The following DPP10 variants were observed in gnomAD, a reference collection of about 807,000 sequenced individuals.
DPP10 encodes the protein dipeptidyl peptidase like 10, also known as inactive dipeptidyl peptidase 10.
In DPP10, 33 loss-of-function variants were observed where a neutral mutation model predicts 120.9. The ratio of observed to expected loss-of-function variants is 0.27; its 90% CI spans 0.21 to 0.37. DPP10 has a LOEUF of 0.37. Ranked by LOEUF, DPP10 falls within the 10% of genes least tolerant of loss-of-function variation. The pLI is 1.00. For synonymous variants in DPP10, 337 were observed against 326.1 expected (o/e 1.03, Z -0.36); for missense variants, 816 against 942.8 (o/e 0.87, Z 1.76).
chr2:114,876,056 ATGAC>A (rs1216549505), intron 1 of DPP10, among the ~76,000 whole-genome samples: 2 of 152,140 alleles, frequency 1.3e-5, no homozygotes, highest in African/African-American at 4.8e-5. Flanking sequence ...GATAAAGTAA[ATGAC>A]TGTTCAAATA....
chr2:115,504,563 A>T (rs1020905030), intron 4 of DPP10, among the ~76,000 whole-genome samples: 6 of 152,036 alleles, frequency 3.9e-5, no homozygotes, highest in African/African-American at 7.2e-5. Context: ...ATGATTATTT[A>T]TGTTTGTTTA....
At chr2:115,712,785 A>G (rs1385675235) in intron 7 of DPP10, among the ~76,000 whole-genome samples, 1 of 151,720 alleles carries the variant, frequency 6.6e-6, no homozygotes, top group Non-Finnish European at 1.5e-5. Context: ...TAATAAGTAC[A>G]ATGTTATGTA....
At position 115,827,440 on chromosome 2, in the gene DPP10, AT is replaced by A. The variant is rs1559209866; in HGVS notation, c.1951-8716del. Among the ~76,000 whole-genome samples the A allele has an allele frequency of 6.2e-3, 893 of 143,390 alleles. 12 individuals are homozygous for A. The highest frequency in any genetic ancestry group is 0.02 in the African/African-American group (764 of 39,092). The allele number at this position is 143,390 out of a possible 152,430, so 94.1% of individuals were successfully genotyped here. On this transcript the variant is annotated intron_variant, in intron 21 of 25. Transcript: ENST00000410059. ...TATATATATATATATATATATATAT[AT>A]ATATATGCTCTACAGTGGTATACTT...
intron 3 of DPP10, among the ~76,000 whole-genome samples, chr2:115,470,029 A>G (rs2105162982): frequency 6.6e-6 from 1 of 152,304 alleles, no homozygotes; most frequent in South Asian, 2.1e-4. Context: ...AAGATGAAGA[A>G]TCCTTGCTAA....
At chr2:115,380,032 A>C (rs1054517192) in intron 3 of DPP10, among the ~76,000 whole-genome samples, 6 of 152,150 alleles carry the variant, frequency 3.9e-5, no homozygotes, top group Non-Finnish European at 7.4e-5. Flanking sequence ...TATTCTGTTC[A>C]TTTGGGGTGG....
intron 1 of DPP10, among the ~76,000 whole-genome samples, chr2:114,619,159 T>C (rs1451715649): frequency 6.6e-6 from 1 of 151,984 alleles, no homozygotes; most frequent in African/African-American, 2.4e-5. Flanking sequence ...TTGGGAACAG[T>C]ATGGATTATG....
intron 1 of DPP10, among the ~76,000 whole-genome samples, chr2:114,482,173 A>G (rs748305087): frequency 2.0e-5 from 3 of 152,148 alleles, no homozygotes; most frequent in Non-Finnish European, 4.4e-5. Context: ...ACCAAACCAT[A>G]TTAGTTACAG....
At chr2:114,924,108 T>C (rs538217605) in intron 1 of DPP10, among the ~76,000 whole-genome samples, 2 of 152,258 alleles carry the variant, frequency 1.3e-5, no homozygotes, top group South Asian at 4.1e-4. Context: ...TCACTTACAA[T>C]GCAAATTTTA....
At chr2:115,478,355 T>C (rs548030701) in intron 3 of DPP10, among the ~76,000 whole-genome samples, 1 of 152,312 alleles carries the variant, frequency 6.6e-6, no homozygotes, top group East Asian at 1.9e-4. Flanking sequence ...TTTATCTACA[T>C]GCAACAGAAT....
At chr2:115,013,794 C>G (rs1028215945) in intron 1 of DPP10, among the ~76,000 whole-genome samples, 5 of 151,492 alleles carry the variant, frequency 3.3e-5, no homozygotes, top group African/African-American at 1.2e-4. Context: ...GAAAAGCTAA[C>G]TATCCTAAAT....
At chr2:114,893,331 C>T (rs1202276894) in intron 1 of DPP10, among the ~76,000 whole-genome samples, 4 of 152,082 alleles carry the variant, frequency 2.6e-5, no homozygotes, top group African/African-American at 9.7e-5. Flanking sequence ...GTTAACCTTA[C>T]CAGAGACGCA....
intron 1 of DPP10, among the ~76,000 whole-genome samples, chr2:114,512,671 A>G (rs1684244542): frequency 6.6e-6 from 1 of 152,240 alleles, no homozygotes; most frequent in Non-Finnish European, 1.5e-5. Context: ...ACATATCATG[A>G]GTTACCCAGA....
intron 1 of DPP10, among the ~76,000 whole-genome samples, chr2:114,517,190 C>T (rs1043572817): frequency 6.6e-6 from 1 of 152,162 alleles, no homozygotes; most frequent in Admixed American, 6.6e-5. Flanking sequence ...GAGATCTAAT[C>T]ATTTCACGGA....
chr2:115,082,669 G>A (rs1326747967), intron 1 of DPP10, among the ~76,000 whole-genome samples: 2 of 152,112 alleles, frequency 1.3e-5, no homozygotes, highest in Non-Finnish European at 2.9e-5. Flanking sequence ...TAAATTACTG[G>A]ACGATTTGAG....
chr2:114,575,433 T>A (rs1325894582), intron 1 of DPP10, among the ~76,000 whole-genome samples: 1 of 152,154 alleles, frequency 6.6e-6, no homozygotes, highest in Non-Finnish European at 1.5e-5. Flanking sequence ...CTATTATTGT[T>A]TGGAAGTAAT....
intron 5 of DPP10, among the ~76,000 whole-genome samples, chr2:115,641,805 G>T (rs1276194484): frequency 2.6e-5 from 4 of 152,076 alleles, no homozygotes; most frequent in Non-Finnish European, 5.9e-5. Context: ...GTGAAATTAT[G>T]GAATACTGGT....
intron 5 of DPP10, among the ~76,000 whole-genome samples, chr2:115,529,811 G>A (rs560860939): frequency 9.2e-5 from 14 of 152,152 alleles, no homozygotes; most frequent in Admixed American, 9.2e-4. Flanking sequence ...ACTGTTTTAG[G>A]TTATGCCAGA....
At chr2:115,142,272 C>G (rs1355341648) in intron 1 of DPP10, among the ~76,000 whole-genome samples, 1 of 152,084 alleles carries the variant, frequency 6.6e-6, no homozygotes, top group Non-Finnish European at 1.5e-5. Context: ...TTGCAGTGAT[C>G]AGTTAATCAA....
At chr2:114,932,614 T>C (rs773325115) in intron 1 of DPP10, among the ~76,000 whole-genome samples, 168 of 152,320 alleles carry the variant, frequency 1.1e-3, no homozygotes, top group Admixed American at 2.0e-3. Flanking sequence ...ATCTAATCTA[T>C]TTTAATAGAA....
Sources: gnomAD v4.1 joint callset for allele counts (sites outside exome capture counted in the v4.1 genomes callset) on GRCh38, gnomAD v4.1.1 for gene constraint, MANE v1.5 for transcripts, NCBI Gene and HGNC (gene_info 2026-07-23, HGNC 2026-07-21) for gene names.